The following XPC variants were observed in gnomAD, a reference collection of about 807,000 sequenced individuals.
The protein encoded by XPC is DNA repair protein complementing XP-C cells.
XPC carries 76 observed loss-of-function variants against 95.8 expected under a neutral mutation model. The observed-to-expected ratio is 0.79, with a 90% CI of 0.66 to 0.96. The LOEUF (loss-of-function observed/expected upper bound fraction) is 0.96, where lower values mean the gene tolerates loss of function less well. Ranked by LOEUF, XPC falls within the 40% of genes least tolerant of loss-of-function variation. The probability of loss-of-function intolerance (pLI) is 0.00; values close to 1 mark genes in which losing one functional copy is unlikely to be tolerated. For synonymous variants in XPC, 442 were observed against 442.1 expected, an observed-to-expected ratio of 1.00 and a Z score of 0.00; for missense variants, 1,146 against 1,179.8, an observed-to-expected ratio of 0.97 and a Z score of 0.42.
intron 7 of XPC, among the ~76,000 whole-genome samples, chr3:14,160,671 A>C (rs1387680261): frequency 6.6e-6 from 1 of 152,258 alleles, no homozygotes. Context: ...CATGATGACT[A>C]AATACAAACT....
At chr3:14,165,288 T>G (rs1472994477) in intron 6 of XPC, 140 bp downstream of exon 6, 2 of 1,179,090 alleles carry the variant, frequency 1.7e-6, no homozygotes, top group African/African-American at 1.6e-5. Context: ...CTGGCATTTC[T>G]CTATCTTCAA....
intron 15 of XPC, among the ~76,000 whole-genome samples, chr3:14,146,993 T>C (rs1253333607): frequency 6.6e-6 from 1 of 152,200 alleles, no homozygotes; most frequent in Admixed American, 6.5e-5. Flanking sequence ...TGCAGGACAC[T>C]TGGCCCTCCC....
intron 7 of XPC, among the ~76,000 whole-genome samples, chr3:14,161,449 T>C (rs1696161778): frequency 6.6e-6 from 1 of 151,880 alleles, no homozygotes; most frequent in African/African-American, 2.4e-5. Flanking sequence ...AAATTGAACA[T>C]ATGAAAAGGC....
Position 14,146,082 on chromosome 3 carries a change from T to G in XPC, c.2682A>C (p.Ala894=), listed in dbSNP as rs555866775. Reference sequence around the variant, plus strand: ...AGGCAGCCAGTATCCTGGCCGCTTCTGCTTGAGAGCTGGTCCCCTCCTCTT... The same window carrying G: ...AGGCAGCCAGTATCCTGGCCGCTTCGGCTTGAGAGCTGGTCCCCTCCTCTT... ...SDEEEGTSSQ[A]EAARILAASW... is the part of the protein sequence containing the mutation. The change falls in exon 16 of 16, where the codon GCA becomes GCC. Residue 894 remains alanine, a synonymous_variant. Coordinates refer to ENST00000285021, the MANE Select transcript of XPC (RefSeq NM_004628.5). The G allele has an allele frequency of 5.6e-6, 9 of 1,612,590 alleles. No individual in the cohort carries two copies. The African/African-American group carries it at 1.1e-4, about 19-fold the overall frequency.
chr3:14,157,185 G>C (rs911784352), intron 9 of XPC, among the ~76,000 whole-genome samples: 3 of 152,104 alleles, frequency 2.0e-5, no homozygotes, highest in Non-Finnish European at 2.9e-5. Flanking sequence ...CACTTAACCT[G>C]TCATTACTAA....
chr3:14,172,816 T>C lies in XPC; in HGVS notation c.299+51A>G. On this transcript the variant is annotated intron_variant, in intron 2 of 15. Transcript: ENST00000285021. ...AATAGAGGTTTTCATTATTCACAAT[T>C]CTCTGATGAGAAAAATCAAGACCCG... is the stretch of plus-strand genomic sequence containing the variant. 3 of 1,576,198 alleles carry C rather than the reference T, an allele frequency of 1.9e-6. No homozygotes were observed. The African/African-American group carries it at 4.1e-5, about 21-fold the overall frequency.
chr3:14,175,444 C>T (rs949578263), intron 1 of XPC, among the ~76,000 whole-genome samples: 1 of 152,012 alleles, frequency 6.6e-6, no homozygotes, highest in South Asian at 2.1e-4. Flanking sequence ...CATGTGAATC[C>T]GTTTTTTTTT....
At chr3:14,148,295 T>C in intron 13 of XPC, 3 of 590,486 alleles carry the variant, frequency 5.1e-6, no homozygotes, top group Non-Finnish European at 8.8e-6. Context: ...AGATGCTGAC[T>C]GTTTTTTGCT....
Position 14,156,428 on chromosome 3 carries a change from T to A in XPC, c.1940A>T (p.Tyr647Phe), listed in dbSNP as rs1375585208. ...AIGLYKNHPL[Y>F]ALKRHLLKYE... ...TTTCAGGAGATGCCGCTTCAGGGCA[T>A]ACAGAGGGTGGTTCTTATATAAGCC... The change falls in exon 10 of 16, where the codon TAT (tyrosine) becomes TTT (phenylalanine). Residue 647 changes from tyrosine to phenylalanine, a missense_variant. Coordinates refer to ENST00000285021, the MANE Select transcript of XPC (RefSeq NM_004628.5). 1.2e-6 allele frequency: 2 copies of A among 1,614,040 alleles called. No homozygotes were observed. The highest frequency in any genetic ancestry group is 1.3e-5 in the African/African-American group (1 of 75,050).
rs1295711844 is a variant in XPC, at chr3:14,145,241, A to G, written c.*700T>C. The G allele has an allele frequency of 3.0e-6, 2 of 657,472 alleles. No individual in the cohort carries two copies. Among genetic ancestry groups the G allele is most frequent in the Admixed American group, 2.2e-5 (1 of 44,680 alleles). The allele number at this position is 657,472 out of a possible 1,614,324, so 40.7% of individuals were successfully genotyped here. On this transcript the variant is annotated 3_prime_UTR_variant, in exon 16 of 16. Transcript: ENST00000285021. ...ATACATTTTATCTAGTAATGAATAC[A>G]ATCTAGTTTAACACTCATCTATTTT...
At chr3:14,147,703 C>G in intron 14 of XPC, 1 of 601,776 alleles carries the variant, frequency 1.7e-6, no homozygotes, top group Non-Finnish European at 2.9e-6. Context: ...GAGCCCGGAC[C>G]CAGGCTCCTC....
At chr3:14,155,048 C>A in intron 10 of XPC, among the ~76,000 whole-genome samples, 1 of 152,268 alleles carries the variant, frequency 6.6e-6, no homozygotes, top group South Asian at 2.1e-4. Flanking sequence ...CAGCCCAGGC[C>A]CCCTGCTGCC....
At chr3:14,178,300 G>T in intron 1 of XPC, 166 bp downstream of exon 1, 1 of 735,634 alleles carries the variant, frequency 1.4e-6, no homozygotes, top group Non-Finnish European at 2.1e-6. Context: ...ACAAAGACGC[G>T]GGGACAGCGG....
At chr3:14,164,220 T>C (rs1325953448) in intron 7 of XPC, 4 of 152,316 alleles carry the variant, frequency 2.6e-5, no homozygotes, top group African/African-American at 2.4e-5. Flanking sequence ...TATGGATTAA[T>C]AGGAATCTTC....
At chr3:14,177,329 T>C (rs1024678227) in intron 1 of XPC, among the ~76,000 whole-genome samples, 2 of 152,098 alleles carry the variant, frequency 1.3e-5, no homozygotes, top group African/African-American at 4.8e-5. Flanking sequence ...ACTAGGCCAT[T>C]TGATATAAGG....
intron 10 of XPC, among the ~76,000 whole-genome samples, chr3:14,155,817 C>G (rs1279682726): frequency 6.6e-6 from 1 of 152,182 alleles, no homozygotes; most frequent in African/African-American, 2.4e-5. Flanking sequence ...CTCGGCCTCC[C>G]AAAGTGCTGG....
In XPC at chr3:14,147,366, C is replaced by G; in HGVS notation, c.2528G>C (p.Arg843Pro). Residue 843 changes from arginine (R) to proline (P), a missense_variant, in exon 15 of 16, where the codon CGG becomes CCG. Coordinates refer to ENST00000285021, the MANE Select transcript of XPC (RefSeq NM_004628.5). ...CAGCAACTTCCAGTTCCCTAGAGCC[C>G]GCTTCTCCTTTTTCTGCAGGCAAAA... ...ERKEKEKKEK[R>P]ALGNWKLLAK... 6.2e-7 allele frequency: 1 copy of G among 1,609,466 alleles called. No individual in the cohort carries two copies. Among genetic ancestry groups the G allele is most frequent in the Non-Finnish European group, 8.5e-7 (1 of 1,178,036 alleles).
chr3:14,160,445 C>G (rs1371977091), intron 7 of XPC, among the ~76,000 whole-genome samples: 2 of 152,220 alleles, frequency 1.3e-5, no homozygotes, highest in African/African-American at 2.4e-5. Flanking sequence ...TGTACTCGGC[C>G]AAGGCCTTCC....
At position 14,148,645 on chromosome 3, in the gene XPC, TA is replaced by T; in HGVS notation, c.2336del (p.Leu779HisfsTer29). 1 of 1,613,992 alleles carries T rather than the reference TA, an allele frequency of 6.2e-7. No individual in the cohort carries two copies. The highest frequency in any genetic ancestry group is 8.5e-7 in the Non-Finnish European group (1 of 1,179,886). On this transcript the variant is annotated frameshift_variant, in exon 13 of 16. Coordinates refer to ENST00000285021, the MANE Select transcript of XPC (RefSeq NM_004628.5). LOFTEE classifies it high-confidence loss of function. ...TGTCCAGCTTGCGGGCCACGCGGTG[TA>T]GATTGGGCAGGTTCAGCTGGACACA... ...IGCVQLNLPN[L>X]HRVARKLDID...
Sources: allele counts gnomAD v4.1 joint callset (sites outside exome capture counted in the v4.1 genomes callset), GRCh38; gene constraint gnomAD v4.1.1; transcripts MANE v1.5; gene names NCBI Gene and HGNC (gene_info 2026-07-23, HGNC 2026-07-21).